PHF14: variants seen among roughly 807,000 people sequenced by gnomAD.
PHF14 encodes PHD finger protein 14.
In PHF14, 55 loss-of-function variants were observed where a neutral mutation model predicts 117.9. The ratio of observed to expected loss-of-function variants is 0.47; its 90% CI spans 0.38 to 0.58. The LOEUF is 0.58. Ranked by LOEUF, PHF14 falls within the 20% of genes least tolerant of loss-of-function variation. PHF14 has a pLI of 0.00. For synonymous variants in PHF14, 409 were observed against 368.6 expected (o/e 1.11, Z -1.26); for missense variants, 978 against 1,122.2 (o/e 0.87, Z 1.84).
At chr7:10,990,429 A>G (rs1782409569) in intron 3 of PHF14, among the ~76,000 whole-genome samples, 1 of 152,206 alleles carries the variant, frequency 6.6e-6, no homozygotes, top group South Asian at 2.1e-4. Flanking sequence ...AGTTAGTTGC[A>G]TGCGTGCTTT....
At chr7:11,140,193 C>T (rs756105832) in intron 17 of PHF14, among the ~76,000 whole-genome samples, 27 of 152,252 alleles carry the variant, frequency 1.8e-4, no homozygotes, top group Admixed American at 1.0e-3. Flanking sequence ...TACACATACC[C>T]ATACACACAG....
At chr7:10,975,381 C>T (rs535011712) in intron 2 of PHF14, among the ~76,000 whole-genome samples, 1 of 152,040 alleles carries the variant, frequency 6.6e-6, no homozygotes, top group Non-Finnish European at 1.5e-5. Context: ...AGCTCTTTTA[C>T]TAGAATAAAA....
chr7:11,093,085 A>G (rs538119418), intron 16 of PHF14, among the ~76,000 whole-genome samples: 1 of 152,178 alleles, frequency 6.6e-6, no homozygotes, highest in Non-Finnish European at 1.5e-5. Context: ...CTAAACTTCT[A>G]ATTTCCCTTA....
chr7:11,041,233 T>G (rs1784496549), intron 12 of PHF14, among the ~76,000 whole-genome samples: 1 of 152,000 alleles, frequency 6.6e-6, no homozygotes, highest in African/African-American at 2.4e-5. Flanking sequence ...TTTCTCTTGA[T>G]GCTCAGTTGC....
chr7:11,044,365 T>G (rs999645083), intron 13 of PHF14, among the ~76,000 whole-genome samples: 1 of 151,832 alleles, frequency 6.6e-6, no homozygotes, highest in Non-Finnish European at 1.5e-5. Flanking sequence ...TAGCCTGAGG[T>G]GTTTTAGTGA....
chr7:10,992,805 A>G (rs1782509376), intron 4 of PHF14, among the ~76,000 whole-genome samples: 1 of 152,202 alleles, frequency 6.6e-6, no homozygotes, highest in African/African-American at 2.4e-5. Context: ...CAACAATGTC[A>G]TTTCTAACAA....
At chr7:11,108,244 A>T (rs548502568) in intron 16 of PHF14, 415 of 151,836 alleles carry the variant, frequency 2.7e-3, no homozygotes, top group African/African-American at 9.7e-3. Context: ...GAAACAACAG[A>T]TTTTTTTCAC....
intron 17 of PHF14, among the ~76,000 whole-genome samples, chr7:11,145,145 A>G (rs988138989): frequency 2.1e-4 from 32 of 151,842 alleles, no homozygotes; most frequent in African/African-American, 7.5e-4. Flanking sequence ...TTAAAAAAAA[A>G]CCCTCGGGAG....
rs138177842 is a variant in PHF14 at position 11,078,062 on chromosome 7, T to C, written c.2654+15977T>C. On this transcript the variant is annotated intron_variant, in intron 16 of 17. Coordinates refer to ENST00000634607, the MANE Select transcript of PHF14 (RefSeq NM_001007157.2). ...GGCATGTGGGTATTTTAGTTCACAC[T>C]GTGGTATTTGAATAGAAATGCTTTC... 2.3e-3 allele frequency among the ~76,000 whole-genome samples: 352 copies of C among 152,318 alleles called. 3 individuals are homozygous for C. Among genetic ancestry groups the C allele is most frequent in the African/African-American group, 8.1e-3 (335 of 41,572 alleles).
intron 17 of PHF14, among the ~76,000 whole-genome samples, chr7:11,167,208 T>A (rs892172915): frequency 3.3e-5 from 5 of 152,162 alleles, no homozygotes; most frequent in Non-Finnish European, 7.4e-5. Context: ...AACCGGGAAG[T>A]CATACGGTGG....
chr7:11,151,062 G>T (rs1168232324), intron 17 of PHF14, among the ~76,000 whole-genome samples: 1 of 151,940 alleles, frequency 6.6e-6, no homozygotes. Context: ...AAGCAAAATA[G>T]AATCTTAGAC....
chr7:11,145,293 C>CT (rs1253084347), intron 17 of PHF14, among the ~76,000 whole-genome samples: 2 of 3,562 alleles, frequency 5.6e-4, no homozygotes, highest in Non-Finnish European at 9.6e-4. Context: ...CTCTTTTTCT[C>CT]TCTTTTTTAA....
At chr7:11,060,720 A>G (rs1321204360) in intron 14 of PHF14, among the ~76,000 whole-genome samples, 1 of 152,188 alleles carries the variant, frequency 6.6e-6, no homozygotes, top group Non-Finnish European at 1.5e-5. Context: ...TTTCCTGGAT[A>G]TAGTCTTCAG....
chr7:11,053,180 A>T (rs1330632977), intron 14 of PHF14, among the ~76,000 whole-genome samples: 1 of 152,120 alleles, frequency 6.6e-6, no homozygotes, highest in Non-Finnish European at 1.5e-5. Flanking sequence ...AGTTTTCTCA[A>T]AAAACATTTT....
At chr7:11,053,995 G>A (rs1467118518) in intron 14 of PHF14, among the ~76,000 whole-genome samples, 1 of 151,194 alleles carries the variant, frequency 6.6e-6, no homozygotes, top group African/African-American at 2.4e-5. Flanking sequence ...TTTCTTACTT[G>A]TAGAAATTCC....
intron 16 of PHF14, chr7:11,063,113 T>G (rs926584298): frequency 2.3e-5 from 22 of 938,786 alleles, no homozygotes; most frequent in Non-Finnish European, 2.8e-5. Context: ...TCTTAAATTT[T>G]ATGAGTTTTT....
intron 16 of PHF14, among the ~76,000 whole-genome samples, chr7:11,082,455 T>G (rs1786184166): frequency 6.6e-6 from 1 of 152,200 alleles, no homozygotes; most frequent in Non-Finnish European, 1.5e-5. Context: ...CATAACAAAT[T>G]TATAAATTTT....
chr7:10,989,855 T>G (rs1704523251), intron 3 of PHF14, among the ~76,000 whole-genome samples: 2 of 152,274 alleles, frequency 1.3e-5, no homozygotes, highest in South Asian at 2.1e-4. Context: ...GGTCTCAAAC[T>G]CCTGGCCTCA....
chr7:11,096,178 A>G (rs1289279811), intron 16 of PHF14, among the ~76,000 whole-genome samples: 1 of 152,120 alleles, frequency 6.6e-6, no homozygotes, highest in Non-Finnish European at 1.5e-5. Context: ...ATATGCATGC[A>G]TGGATATTTG....
Sources: allele counts gnomAD v4.1 joint callset (sites outside exome capture counted in the v4.1 genomes callset), GRCh38; gene constraint gnomAD v4.1.1; transcripts MANE v1.5; gene names NCBI Gene and HGNC (gene_info 2026-07-23, HGNC 2026-07-21).